The following CSMD2 variants were observed in gnomAD, a reference collection of about 807,000 sequenced individuals.
CSMD2 encodes CUB and Sushi multiple domains 2.
Under a neutral mutation model 398.5 loss-of-function variants are expected in CSMD2, and 130 were observed. That is an observed-to-expected ratio of 0.33 (90% CI 0.28 to 0.38). The LOEUF (loss-of-function observed/expected upper bound fraction) is 0.38, where lower values mean the gene tolerates loss of function less well. CSMD2 is among the 10% of genes least tolerant of loss of function. The pLI is 1.00. For missense variants in CSMD2, 3,829 were observed against 4,764.9 expected (o/e 0.80, Z 5.78); for synonymous variants, 1,828 against 1,908.5 (o/e 0.96, Z 1.10).
chr1:33,616,278 C>T (rs561107663), intron 39 of CSMD2, among the ~76,000 whole-genome samples: 2 of 152,090 alleles, frequency 1.3e-5, no homozygotes, highest in African/African-American at 4.8e-5. Flanking sequence ...TGCTCTATCA[C>T]CCAGGCTGGA....
Position 33,567,781 on chromosome 1 carries a change from G to A in CSMD2, c.8192C>T (p.Pro2731Leu). ...ACAGTGTCCAGCTTTGGTGAGGGATGGGGAAGAGAGTACATCGAAGAGGAG... is the reference window on the plus strand; with the variant it reads ...ACAGTGTCCAGCTTTGGTGAGGGATAGGGAAGAGAGTACATCGAAGAGGAG... ...YKLLFDVLSSPSLTKAGHCGT... is the reference protein window; with the variant it reads ...YKLLFDVLSSLSLTKAGHCGT... The change falls in exon 53 of 71, where the codon CCA becomes CTA. Residue 2731 changes from proline (P) to leucine (L), a missense_variant. This residue lies in a region of CSMD2 where 917 missense variants were observed against 1,199.5 expected (regional missense o/e 0.76). Transcript: ENST00000373381. The A allele has an allele frequency of 6.2e-7, 1 of 1,613,456 alleles. No homozygotes were observed. The highest frequency in any genetic ancestry group is 8.5e-7 in the Non-Finnish European group (1 of 1,179,714).
intron 1 of CSMD2, among the ~76,000 whole-genome samples, chr1:34,137,244 ATC>A (rs1225349471): frequency 6.6e-6 from 1 of 151,936 alleles, no homozygotes; most frequent in Non-Finnish European, 1.5e-5. Flanking sequence ...AGACTTACTT[ATC>A]TCTCTGGAGG....
chr1:33,737,289 G>A (rs972620765), intron 15 of CSMD2, among the ~76,000 whole-genome samples: 3 of 152,158 alleles, frequency 2.0e-5, no homozygotes, highest in Admixed American at 6.5e-5. Flanking sequence ...ACCACACTGC[G>A]GGAAGTTTGG....
intron 49 of CSMD2, among the ~76,000 whole-genome samples, chr1:33,574,069 A>C (rs1035833220): frequency 6.6e-6 from 1 of 152,200 alleles, no homozygotes; most frequent in African/African-American, 2.4e-5. Context: ...CTGACCAAAC[A>C]TGTGTGAGGG....
chr1:33,730,965 A>C (rs934970596), intron 15 of CSMD2, among the ~76,000 whole-genome samples: 1 of 152,186 alleles, frequency 6.6e-6, no homozygotes, highest in Admixed American at 6.5e-5. Context: ...GTTTCCACTA[A>C]AAGGAACCAG....
intron 21 of CSMD2, among the ~76,000 whole-genome samples, chr1:33,712,392 T>A (rs1162747418): frequency 6.6e-6 from 1 of 152,202 alleles, no homozygotes; most frequent in Non-Finnish European, 1.5e-5. Context: ...CTGGAAATGT[T>A]CCTGGTAGCA....
At chr1:33,933,481 A>C (rs1644375206) in intron 4 of CSMD2, among the ~76,000 whole-genome samples, 1 of 152,220 alleles carries the variant, frequency 6.6e-6, no homozygotes, top group Non-Finnish European at 1.5e-5. Flanking sequence ...TAGTGCTGCA[A>C]AAAGAAAAAG....
Position 33,693,045 on chromosome 1 carries a change from C to T in CSMD2, c.3937G>A (p.Gly1313Arg), listed in dbSNP as rs928961971. Residue 1313 changes from glycine to arginine, a missense_variant, in exon 25 of 71, where the codon GGG (glycine) becomes AGG (arginine). Around this residue, in one of 5 missense-constraint regions of CSMD2, gnomAD observed 2,001 missense variants for 2,567.1 expected, o/e 0.78. Coordinates refer to ENST00000373381, the MANE Select transcript of CSMD2 (RefSeq NM_001281956.2). ...CCCGACACCTCTCCTCTCACTGTCC[C>T]TCCACACTCGGCTGAAAGAAATCCC... ...PLPTCVAECG[G>R]TVRGEVSGQV... 8 of 1,597,130 alleles carry T rather than the reference C, an allele frequency of 5.0e-6. No homozygotes were observed. The highest frequency in any genetic ancestry group is 6.8e-6 in the Non-Finnish European group (8 of 1,173,464).
intron 5 of CSMD2, among the ~76,000 whole-genome samples, chr1:33,871,648 G>A (rs1303706841): frequency 6.6e-6 from 1 of 152,044 alleles, no homozygotes; most frequent in Non-Finnish European, 1.5e-5. Context: ...ATGGAGTCTC[G>A]CTCTGTTGCC....
rs372936569 is a variant in CSMD2, at chr1:33,971,727, G to C, written c.518-35773C>G. On this transcript the variant is annotated intron_variant, in intron 3 of 70. Coordinates refer to ENST00000373381, the MANE Select transcript of CSMD2 (RefSeq NM_001281956.2). ...CCTTCGGCAGGTTGGGCGGGTGCCT[G>C]TTTTGGGAGGTGGGTGAGAGGGGGT... Among the ~76,000 whole-genome samples the C allele has an allele frequency of 1.7e-4, 26 of 152,286 alleles. 1 individual carries two copies. In the South Asian group the frequency reaches 5.4e-3, roughly 32 times the overall value.
At chr1:34,142,882 CTAT>C (rs1322415446) in intron 1 of CSMD2, among the ~76,000 whole-genome samples, 2 of 152,172 alleles carry the variant, frequency 1.3e-5, no homozygotes, top group African/African-American at 4.8e-5. Flanking sequence ...ATTATCAGTG[CTAT>C]TATTATTGAA....
chr1:33,626,259 G>A (rs1176390809), intron 33 of CSMD2, among the ~76,000 whole-genome samples: 1 of 152,204 alleles, frequency 6.6e-6, no homozygotes, highest in African/African-American at 2.4e-5. Context: ...GCCTTTGTCT[G>A]ATTTCCTTCC....
intron 2 of CSMD2, among the ~76,000 whole-genome samples, chr1:34,075,769 T>C (rs1656257159): frequency 6.6e-6 from 1 of 152,224 alleles, no homozygotes; most frequent in Non-Finnish European, 1.5e-5. Context: ...TGCAATAGGA[T>C]GTCTGCCAGC....
At chr1:33,773,450 A>T (rs781545435) in intron 12 of CSMD2, among the ~76,000 whole-genome samples, 1 of 152,200 alleles carries the variant, frequency 6.6e-6, no homozygotes, top group Non-Finnish European at 1.5e-5. Flanking sequence ...TGAGACAGAC[A>T]TGGAGTGGGT....
intron 5 of CSMD2, among the ~76,000 whole-genome samples, chr1:33,888,939 G>A (rs1641793889): frequency 6.6e-6 from 1 of 151,818 alleles, no homozygotes; most frequent in Non-Finnish European, 1.5e-5. Flanking sequence ...GGCTAATTTT[G>A]TTTTGTATTT....
intron 37 of CSMD2, 85 bp downstream of exon 37, chr1:33,622,082 C>T: frequency 1.0e-6 from 1 of 969,974 alleles, no homozygotes; most frequent in Non-Finnish European, 1.7e-6. Flanking sequence ...ATATGCAGCT[C>T]CAGTTTAATC....
At chr1:33,557,702 T>A in intron 55 of CSMD2, 32 bp downstream of exon 55, 1 of 1,525,568 alleles carries the variant, frequency 6.6e-7, no homozygotes, top group Admixed American at 2.0e-5. Flanking sequence ...GGCCACCCCA[T>A]CAGTCATTTT....
intron 13 of CSMD2, among the ~76,000 whole-genome samples, chr1:33,761,909 A>G (rs1367651300): frequency 2.0e-5 from 3 of 152,210 alleles, no homozygotes; most frequent in Non-Finnish European, 4.4e-5. Flanking sequence ...TAAGTCCCAG[A>G]GCAAGATGAG....
At chr1:33,943,004 A>G (rs902315787) in intron 3 of CSMD2, among the ~76,000 whole-genome samples, 2 of 152,154 alleles carry the variant, frequency 1.3e-5, no homozygotes, top group Non-Finnish European at 2.9e-5. Context: ...GTCCTCAGCA[A>G]TGCTGGAGCC....
Sources: allele counts gnomAD v4.1 joint callset (sites outside exome capture counted in the v4.1 genomes callset), GRCh38; gene constraint gnomAD v4.1.1; regional missense constraint gnomAD v4.1.1; transcripts MANE v1.5; gene names NCBI Gene and HGNC (gene_info 2026-07-23, HGNC 2026-07-21).